KCNC1: variants seen among roughly 807,000 people sequenced by gnomAD.
KCNC1 encodes potassium voltage-gated channel subfamily C member 1.
A neutral mutation model predicts 43.4 loss-of-function variants in KCNC1; 8 were observed. The ratio of observed to expected loss-of-function variants is 0.18; its 90% CI spans 0.11 to 0.33. KCNC1 has a LOEUF of 0.33. Ranked by LOEUF, KCNC1 falls within the 10% of genes least tolerant of loss-of-function variation. KCNC1 has a pLI of 1.00. For synonymous variants in KCNC1, 361 were observed against 360.5 expected (o/e 1.00, Z -0.01); for missense variants, 420 against 836.0 (o/e 0.50, Z 6.14).
chr11:17,755,646 A>T (rs553585417), intron 1 of KCNC1, among the ~76,000 whole-genome samples: 1 of 149,674 alleles, frequency 6.7e-6, no homozygotes, highest in East Asian at 2.1e-4. Context: ...TCCTGGAAGG[A>T]TGGAGACACT....
At position 17,771,766 on chromosome 11, in the gene KCNC1, C is replaced by A. The variant is rs773018717; in HGVS notation, c.672C>A (p.Ile224=). The change falls in exon 2 of 4, where the codon ATC becomes ATA. Residue 224 remains isoleucine, a synonymous_variant. Transcript: ENST00000265969. This position sits in a 1 kb window ranked among gnomAD's most constrained non-coding sequence, Gnocchi z 4.7. ...ACCCCATCGTGAACAAGACGGAGAT[C>A]GAGAACGTTCGCAATGGCACGCAAG... ...RFNPIVNKTE[I]ENVRNGTQVR... 6.2e-7 allele frequency: 1 copy of A among 1,614,246 alleles called. No individual in the cohort carries two copies. The highest frequency in any genetic ancestry group is 8.5e-7 in the Non-Finnish European group (1 of 1,180,030).
chr11:17,739,602 A>C lies in KCNC1; in HGVS notation c.570+3030A>C, dbSNP rs1848814090. On this transcript the variant is annotated intron_variant, in intron 1 of 3. Transcript: ENST00000265969. This position sits in a 1 kb window ranked among gnomAD's most constrained non-coding sequence, Gnocchi z 4.2. ...TGGAGAGTGCGTGAGAGTCGAGGTG[A>C]GTGTGTCTGCGTGAGTGTGTGGCTG... Among the ~76,000 whole-genome samples, 1 of 148,828 alleles carries C rather than the reference A, an allele frequency of 6.7e-6. No homozygotes were observed.
intron 1 of KCNC1, among the ~76,000 whole-genome samples, chr11:17,761,365 GTGTTTGGATGTTTGT>G (rs1215597752): frequency 1.3e-5 from 2 of 152,252 alleles, no homozygotes; most frequent in African/African-American, 4.8e-5. Flanking sequence ...ACAAAATTCT[GTGTTTGGATGTTTGT>G]TGTTTGTGCA....
chr11:17,777,464 G>C lies in KCNC1; in HGVS notation c.1505-1992G>C, dbSNP rs1466471736. Reference sequence around the variant, plus strand: ...TCGTCATCCGCGTCCTCTCCATACTGTTTCCCTCCCCTCTCCCAACACCCT... The same window carrying C: ...TCGTCATCCGCGTCCTCTCCATACTCTTTCCCTCCCCTCTCCCAACACCCT... On this transcript the variant is annotated intron_variant, in intron 2 of 3. Coordinates refer to ENST00000265969, the MANE Select transcript of KCNC1 (RefSeq NM_001112741.2). This position sits in a 1 kb window ranked among gnomAD's most constrained non-coding sequence, Gnocchi z 4.3. 1 of 985,824 alleles carries C rather than the reference G, an allele frequency of 1.0e-6. No individual in the cohort carries two copies. The highest frequency in any genetic ancestry group is 1.7e-5 in the African/African-American group (1 of 57,220). 61.1% of individuals were successfully genotyped at this position (985,824 alleles called of 1,614,324 possible).
chr11:17,760,655 G>A (rs1469416799), intron 1 of KCNC1, among the ~76,000 whole-genome samples: 1 of 152,180 alleles, frequency 6.6e-6, no homozygotes, highest in African/African-American at 2.4e-5. Flanking sequence ...GCCAGATCCG[G>A]CTACAAGGGC....
chr11:17,776,812 T>C lies in KCNC1; in HGVS notation c.1505-2644T>C. 4 of 985,204 alleles carry C rather than the reference T, an allele frequency of 4.1e-6. No homozygotes were observed. Among genetic ancestry groups the C allele is most frequent in the Non-Finnish European group, 4.8e-6 (4 of 830,006 alleles). The allele number at this position is 985,204 out of a possible 1,614,324, so 61.0% of individuals were successfully genotyped here. On this transcript the variant is annotated intron_variant, in intron 2 of 3. Transcript: ENST00000265969. The surrounding 1 kb of genome is among the most constrained non-coding windows in gnomAD (Gnocchi z 4.4). ...ATTTATACAGTTGGCCCCTCGTTGG[T>C]TTCTCTTTCTTCAAGCCACCCCTCT...
At position 17,781,802 on chromosome 11, in the gene KCNC1, C is replaced by T; in HGVS notation, c.*68C>T. ...GGGTGGACCTGCAGCCCCTCCTCAC[C>T]CTCGGACAGAGTAAATTCACGCCAT... On this transcript the variant is annotated 3_prime_UTR_variant, in exon 4 of 4. Transcript: ENST00000265969. This position sits in a 1 kb window ranked among gnomAD's most constrained non-coding sequence, Gnocchi z 5.1. 9.2e-7 allele frequency: 1 copy of T among 1,091,684 alleles called. No homozygotes were observed. Among genetic ancestry groups the T allele is most frequent in the South Asian group, 1.4e-5 (1 of 73,492 alleles). The allele number at this position is 1,091,684 out of a possible 1,614,324, so 67.6% of individuals were successfully genotyped here.
intron 1 of KCNC1, among the ~76,000 whole-genome samples, chr11:17,769,815 G>A (rs1342837724): frequency 1.3e-5 from 2 of 152,186 alleles, no homozygotes; most frequent in Admixed American, 1.3e-4. Context: ...TCTGAAAATC[G>A]CACAATGCTC....
chr11:17,753,128 C>T (rs1329404782), intron 1 of KCNC1, among the ~76,000 whole-genome samples: 1 of 152,224 alleles, frequency 6.6e-6, no homozygotes, highest in African/African-American at 2.4e-5. Context: ...GTGGGTAACA[C>T]AGGGATTCCA....
At chr11:17,747,387 C>T (rs1443560458) in intron 1 of KCNC1, among the ~76,000 whole-genome samples, 1 of 152,124 alleles carries the variant, frequency 6.6e-6, no homozygotes, top group African/African-American at 2.4e-5. Flanking sequence ...GAGGGAGGGC[C>T]GCTGACATCA....
At position 17,779,777 on chromosome 11, in the gene KCNC1, C is replaced by G; in HGVS notation, c.1693+133C>G. 4 of 719,074 alleles carry G rather than the reference C, an allele frequency of 5.6e-6. No homozygotes were observed. Among genetic ancestry groups the G allele is most frequent in the Non-Finnish European group, 8.4e-6 (4 of 478,082 alleles). The allele number at this position is 719,074 out of a possible 1,614,324, so 44.5% of individuals were successfully genotyped here. On this transcript the variant is annotated intron_variant, in intron 3 of 3. Transcript: ENST00000265969. The surrounding 1 kb of genome is among the most constrained non-coding windows in gnomAD (Gnocchi z 7.2). ...CGAGGGGGGCAAGGATGGAGGGAATCTCCCAGGGTCGGCCCCTGGAGGGCT... is the reference window on the plus strand; with the variant it reads ...CGAGGGGGGCAAGGATGGAGGGAATGTCCCAGGGTCGGCCCCTGGAGGGCT...
intron 1 of KCNC1, among the ~76,000 whole-genome samples, chr11:17,741,534 C>T (rs189858224): frequency 7.2e-5 from 11 of 152,268 alleles, no homozygotes; most frequent in African/African-American, 1.7e-4. Context: ...CTCACCTCCC[C>T]GGCAGCCCCC....
At chr11:17,774,780 C>G (rs1849266881) in intron 2 of KCNC1, 3 of 985,524 alleles carry the variant, frequency 3.0e-6, no homozygotes, top group Non-Finnish European at 1.2e-6. Flanking sequence ...GCCTGGATCC[C>G]TCCTGCCTCC....
At chr11:17,763,948 C>T (rs1281518642) in intron 1 of KCNC1, among the ~76,000 whole-genome samples, 7 of 136,142 alleles carry the variant, frequency 5.1e-5, no homozygotes, top group Non-Finnish European at 9.4e-5. Context: ...CACACACACA[C>T]ACCCACACAC....
At chr11:17,746,432 T>C (rs973809280) in intron 1 of KCNC1, among the ~76,000 whole-genome samples, 5 of 152,078 alleles carry the variant, frequency 3.3e-5, no homozygotes, top group African/African-American at 1.2e-4. Context: ...TCCCACTTGG[T>C]CCAGCCCGAC....
intron 2 of KCNC1, chr11:17,774,250 A>ACT (rs1212760481): frequency 1.0e-6 from 1 of 985,372 alleles, no homozygotes; most frequent in Admixed American, 6.1e-5. Context: ...AGCTACCAAC[A>ACT]GGGCTCTGGG....
Position 17,779,644 on chromosome 11 carries a change from G to C in KCNC1, c.1693G>C (p.Asp565His). The part of the protein sequence containing the change: ...ACPPGGGMRK[D>H]LCKESPVIAK... ...CCCACCTGGTGGAGGAATGAGAAAG[G>C]GTATGTAGAGGAAGCTGGAGCACCG... The change falls in exon 3 of 4, where the codon GAT (aspartate) becomes CAT (histidine). Residue 565 changes from aspartate to histidine, a missense_variant and splice_region_variant. By Grantham distance (81) the Asp-to-His change is moderately conservative (BLOSUM62 -1). This residue lies in a region of KCNC1 where 147 missense variants were observed against 176.1 expected (regional missense o/e 0.83). Coordinates refer to ENST00000265969, the MANE Select transcript of KCNC1 (RefSeq NM_001112741.2). This position sits in a 1 kb window ranked among gnomAD's most constrained non-coding sequence, Gnocchi z 7.2. The C allele has an allele frequency of 6.5e-7, 1 of 1,532,756 alleles. No individual in the cohort carries two copies. Among genetic ancestry groups the C allele is most frequent in the Non-Finnish European group, 8.8e-7 (1 of 1,136,386 alleles). The allele number at this position is 1,532,756 out of a possible 1,614,324, so 94.9% of individuals were successfully genotyped here. A position where few individuals can be genotyped will look rare whatever the true frequency, so the allele number is the denominator to read the frequency against.
chr11:17,777,854 T>C lies in KCNC1; in HGVS notation c.1505-1602T>C. ...GACTGACTGCCTCTTTGTAGTGACA[T>C]GATGTGTACACGGGCGGTAATCCCA... On this transcript the variant is annotated intron_variant, in intron 2 of 3. Coordinates refer to ENST00000265969, the MANE Select transcript of KCNC1 (RefSeq NM_001112741.2). This position sits in a 1 kb window ranked among gnomAD's most constrained non-coding sequence, Gnocchi z 4.3. The C allele has an allele frequency of 1.0e-6, 1 of 986,404 alleles. No individual in the cohort carries two copies. The highest frequency in any genetic ancestry group is 1.2e-6 in the Non-Finnish European group (1 of 830,062). The allele number at this position is 986,404 out of a possible 1,614,324, so 61.1% of individuals were successfully genotyped here. A position where few individuals can be genotyped will look rare whatever the true frequency, so the allele number is the denominator to read the frequency against.
chr11:17,738,037 A>G (rs571051581), intron 1 of KCNC1, among the ~76,000 whole-genome samples: 1 of 151,916 alleles, frequency 6.6e-6, no homozygotes, highest in Non-Finnish European at 1.5e-5. Context: ...GGTCAGTCTT[A>G]TACCTTGAAT....
Sources: allele counts gnomAD v4.1 joint callset (sites outside exome capture counted in the v4.1 genomes callset), GRCh38; gene constraint gnomAD v4.1.1; regional missense constraint gnomAD v4.1.1; non-coding constraint Gnocchi (gnomAD v3.1); transcripts MANE v1.5; gene names NCBI Gene and HGNC (gene_info 2026-07-23, HGNC 2026-07-21).